The following TAPT1 variants were observed in gnomAD, a reference collection of about 807,000 sequenced individuals.
TAPT1 encodes the protein transmembrane anterior posterior transformation protein 1 homolog.
TAPT1 carries 28 observed loss-of-function variants against 65.6 expected under a neutral mutation model. The observed-to-expected ratio is 0.43, with a 90% CI of 0.32 to 0.59. TAPT1 has a LOEUF of 0.59. Among genes scored for constraint, TAPT1 ranks in the 20% least tolerant of loss-of-function variants. The pLI, the probability that TAPT1 is intolerant of heterozygous loss-of-function variation, is 0.09. For missense variants in TAPT1, 563 were observed against 679.9 expected (o/e 0.83, Z 1.91); for synonymous variants, 278 against 245.2 (o/e 1.13, Z -1.25).
chr4:16,224,379 A>C (rs1751430370), intron 1 of TAPT1, among the ~76,000 whole-genome samples: 1 of 152,186 alleles, frequency 6.6e-6, no homozygotes, highest in Non-Finnish European at 1.5e-5. Flanking sequence ...GGAGCTACAG[A>C]CTGGGTGCTA....
chr4:16,214,414 T>A (rs948148894), intron 1 of TAPT1: 1 of 152,222 alleles, frequency 6.6e-6, no homozygotes, highest in Non-Finnish European at 1.5e-5. Flanking sequence ...TTTCCCTACA[T>A]GAAGACTTAC....
chr4:16,179,788 T>TTATA (rs757324466), intron 7 of TAPT1, 131 bp from the exon 8 acceptor site: 12 of 431,798 alleles, frequency 2.8e-5, no homozygotes, highest in African/African-American at 1.6e-4. Context: ...ATATACAACT[T>TTATA]TATATATATA....
intron 3 of TAPT1, among the ~76,000 whole-genome samples, chr4:16,192,085 T>C (rs1179843963): frequency 6.6e-6 from 1 of 152,250 alleles, no homozygotes; most frequent in Non-Finnish European, 1.5e-5. Flanking sequence ...TGATGCAATC[T>C]ACATGCCATG....
chr4:16,170,845 A>G, intron 11 of TAPT1, 116 bp from the exon 12 acceptor site: 1 of 695,616 alleles, frequency 1.4e-6, no homozygotes, highest in Admixed American at 2.8e-5. Flanking sequence ...TTAGGCATAT[A>G]TCTATGGCCT....
At chr4:16,175,850 A>G (rs551872650) in intron 9 of TAPT1, among the ~76,000 whole-genome samples, 48 of 152,324 alleles carry the variant, frequency 3.2e-4, no homozygotes, top group African/African-American at 1.1e-3. Context: ...CTTTAAACAG[A>G]TTATGACAGT....
In TAPT1 at chr4:16,161,352, T is replaced by C. The variant is rs1183261148; in HGVS notation, c.*1956A>G. 6.6e-6 allele frequency: 1 copy of C among 152,618 alleles called. No homozygotes were observed. The highest frequency in any genetic ancestry group is 1.5e-5 in the Non-Finnish European group (1 of 68,030). 9.5% of individuals were successfully genotyped at this position (152,618 alleles called of 1,614,324 possible). ...TTCACACAAGATGCACTTATAAAAT[T>C]AGTACTGAATGCCATTAAAACAGAA... On this transcript the variant is annotated 3_prime_UTR_variant, in exon 14 of 14. Coordinates refer to ENST00000405303, the MANE Select transcript of TAPT1 (RefSeq NM_153365.3).
chr4:16,163,615 G>A, intron 13 of TAPT1, 78 bp from the exon 14 acceptor site: 3 of 1,218,276 alleles, frequency 2.5e-6, no homozygotes, highest in Non-Finnish European at 3.4e-6. Flanking sequence ...CCAATACAGT[G>A]GTGCTGAAAA....
intron 13 of TAPT1, among the ~76,000 whole-genome samples, chr4:16,166,348 A>G (rs1019390204): frequency 2.0e-5 from 3 of 152,238 alleles, no homozygotes; most frequent in African/African-American, 7.2e-5. Flanking sequence ...CCGACAATCT[A>G]GAACAAGCTC....
chr4:16,160,951 A>G lies in TAPT1; in HGVS notation c.*2357T>C, dbSNP rs1747215854. ...TACACTTATTCTAAAGGAAAACCTAATAAGGGTCTGGCCTATCCTGTGCCT... is the reference window on the plus strand; with the variant it reads ...TACACTTATTCTAAAGGAAAACCTAGTAAGGGTCTGGCCTATCCTGTGCCT... On this transcript the variant is annotated 3_prime_UTR_variant, in exon 14 of 14. Coordinates refer to ENST00000405303, the MANE Select transcript of TAPT1 (RefSeq NM_153365.3). 2 of 152,680 alleles carry G rather than the reference A, an allele frequency of 1.3e-5. No homozygotes were observed. The highest frequency in any genetic ancestry group is 6.5e-5 in the Admixed American group (1 of 15,286). The allele number at this position is 152,680 out of a possible 1,614,324, so 9.5% of individuals were successfully genotyped here. A position where few individuals can be genotyped will look rare whatever the true frequency, so the allele number is the denominator to read the frequency against.
At position 16,213,840 on chromosome 4, in the gene TAPT1, A is replaced by T. The variant is rs1750777769; in HGVS notation, c.258T>A (p.His86Gln). 1.9e-6 allele frequency: 3 copies of T among 1,610,346 alleles called. No homozygotes were observed. Among genetic ancestry groups the T allele is most frequent in the Non-Finnish European group, 1.7e-6 (2 of 1,178,946 alleles). ...AELTRGYFLE[H>Q]NEAKYTERRE... is the part of the protein sequence containing the mutation. Reference sequence around the variant, plus strand: ...TTCTTTCTGTATACTTGGCCTCATTATGTTCAAGGAAGTACCCTCTTGTTA... The same window carrying T: ...TTCTTTCTGTATACTTGGCCTCATTTTGTTCAAGGAAGTACCCTCTTGTTA... The change falls in exon 2 of 14, where the codon CAT becomes CAA. Residue 86 changes from histidine (H) to glutamine (Q), a missense_variant. Coordinates refer to ENST00000405303, the MANE Select transcript of TAPT1 (RefSeq NM_153365.3).
rs1196888358 is a variant in TAPT1, at chr4:16,222,138, T to C, written c.199+4121A>G. Among the ~76,000 whole-genome samples, 6 of 152,336 alleles carry C rather than the reference T, an allele frequency of 3.9e-5. No individual in the cohort carries two copies. The East Asian group carries it at 1.2e-3, about 29-fold the overall frequency. ...CATTAATTTGACAGTCAATGCTATA[T>C]AGGCTTTCCAGAGACTTCTTTTATG... is the stretch of plus-strand genomic sequence containing the variant. On this transcript the variant is annotated intron_variant, in intron 1 of 13. Transcript: ENST00000405303.
At chr4:16,222,648 T>C (rs571955508) in intron 1 of TAPT1, among the ~76,000 whole-genome samples, 3 of 152,342 alleles carry the variant, frequency 2.0e-5, no homozygotes, top group Non-Finnish European at 4.4e-5. Context: ...ATAGGTAATA[T>C]GAATAGTTAA....
rs533211340 is a variant in TAPT1, at chr4:16,203,636, C to A, written c.331-1056G>T. ...GACAGAGGAGAGATAATATGAAGACCGAAGAGGAAGGCAGCCATCTGCAAG... is the reference window on the plus strand; with the variant it reads ...GACAGAGGAGAGATAATATGAAGACAGAAGAGGAAGGCAGCCATCTGCAAG... On this transcript the variant is annotated intron_variant, in intron 2 of 13. Coordinates refer to ENST00000405303, the MANE Select transcript of TAPT1 (RefSeq NM_153365.3). Among the ~76,000 whole-genome samples, 12 of 151,990 alleles carry A rather than the reference C, an allele frequency of 7.9e-5. No homozygotes were observed. The South Asian group carries it at 2.3e-3, about 29-fold the overall frequency.
chr4:16,191,235 C>A, intron 4 of TAPT1, 126 bp downstream of exon 4: 1 of 955,486 alleles, frequency 1.0e-6, no homozygotes, highest in South Asian at 2.1e-5. Context: ...GATGACAGCA[C>A]AGTAAAGGCC....
chr4:16,189,555 A>G (rs1183589513), intron 4 of TAPT1, among the ~76,000 whole-genome samples: 1 of 152,188 alleles, frequency 6.6e-6, no homozygotes, highest in Non-Finnish European at 1.5e-5. Flanking sequence ...TCTCCCTAGT[A>G]TCTCCACTTT....
At chr4:16,173,244 T>C (rs1008621198) in intron 11 of TAPT1, among the ~76,000 whole-genome samples, 6 of 152,082 alleles carry the variant, frequency 3.9e-5, no homozygotes, top group Non-Finnish European at 8.8e-5. Context: ...TACAGGTGCA[T>C]GCCACTAAGC....
At position 16,161,118 on chromosome 4, in the gene TAPT1, C is replaced by T. The variant is rs892452910; in HGVS notation, c.*2190G>A. 10 of 152,220 alleles carry T rather than the reference C, an allele frequency of 6.6e-5. No individual in the cohort carries two copies. The highest frequency in any genetic ancestry group is 3.3e-4 in the Admixed American group (5 of 15,270). 9.4% of individuals were successfully genotyped at this position (152,220 alleles called of 1,614,324 possible). On this transcript the variant is annotated 3_prime_UTR_variant, in exon 14 of 14. Coordinates refer to ENST00000405303, the MANE Select transcript of TAPT1 (RefSeq NM_153365.3). Reference sequence around the variant, plus strand: ...ATATTAAATGGTCTATAATCAAGGCCGAGCCTATTTTTTCCAAAGACAAAA... The same window carrying T: ...ATATTAAATGGTCTATAATCAAGGCTGAGCCTATTTTTTCCAAAGACAAAA...
chr4:16,163,019 A>T lies in TAPT1; in HGVS notation c.*289T>A. ...GACTGACAAAGCAAAACAGATTTTG[A>T]TGTTGCCTTTGTTGGGTCCTGGAAA... On this transcript the variant is annotated 3_prime_UTR_variant, in exon 14 of 14. Coordinates refer to ENST00000405303, the MANE Select transcript of TAPT1 (RefSeq NM_153365.3). 1 of 515,012 alleles carries T rather than the reference A, an allele frequency of 1.9e-6. No individual in the cohort carries two copies. Among genetic ancestry groups the T allele is most frequent in the African/African-American group, 1.9e-5 (1 of 52,638 alleles). 31.9% of individuals were successfully genotyped at this position (515,012 alleles called of 1,614,324 possible).
intron 2 of TAPT1, among the ~76,000 whole-genome samples, chr4:16,208,024 A>C (rs1298528924): frequency 6.6e-6 from 1 of 152,258 alleles, no homozygotes; most frequent in East Asian, 1.9e-4. Context: ...ATGAACATAT[A>C]TAAACACGGA....
Sources: gnomAD v4.1 joint callset for allele counts (sites outside exome capture counted in the v4.1 genomes callset) on GRCh38, gnomAD v4.1.1 for gene constraint, MANE v1.5 for transcripts, NCBI Gene and HGNC (gene_info 2026-07-23, HGNC 2026-07-21) for gene names.